The following CLSTN2 variants were observed in gnomAD, a reference collection of about 807,000 sequenced individuals.
The protein encoded by CLSTN2 is calsyntenin 2, also known as calsyntenin-2.
Under a neutral mutation model 101.2 loss-of-function variants are expected in CLSTN2, and 48 were observed. That is an observed-to-expected ratio of 0.47 (90% CI 0.38 to 0.60). The LOEUF is 0.60. Among genes scored for constraint, CLSTN2 ranks in the 20% least tolerant of loss-of-function variants. The pLI is 0.00. For missense variants in CLSTN2, 1,160 were observed against 1,238.2 expected (o/e 0.94, Z 0.95); for synonymous variants, 481 against 463.6 (o/e 1.04, Z -0.48).
intron 12 of CLSTN2, among the ~76,000 whole-genome samples, chr3:140,560,491 A>G (rs1455865855): frequency 6.6e-6 from 1 of 152,078 alleles, no homozygotes; most frequent in African/African-American, 2.4e-5. Flanking sequence ...CTGTTCCACC[A>G]CCACCATTCT....
chr3:140,339,911 A>G (rs2087475540), intron 2 of CLSTN2, among the ~76,000 whole-genome samples: 1 of 152,178 alleles, frequency 6.6e-6, no homozygotes, highest in Admixed American at 6.5e-5. Context: ...TTAGAATTGG[A>G]TGTGGGTCCT....
chr3:140,464,996 A>C (rs890577674), intron 7 of CLSTN2, among the ~76,000 whole-genome samples: 12 of 152,222 alleles, frequency 7.9e-5, no homozygotes, highest in African/African-American at 2.9e-4. Flanking sequence ...TAGTCCTTCT[A>C]ATAAGTAACA....
rs1361828893 is a variant in CLSTN2 at position 140,280,705 on chromosome 3, T to C, written c.232+104632T>C. Among the ~76,000 whole-genome samples, 4 of 152,160 alleles carry C rather than the reference T, an allele frequency of 2.6e-5. No homozygotes were observed. In the East Asian group the frequency reaches 7.7e-4, roughly 29 times the overall value. ...AGATGGGGCCATGGAACAGGCTGGC[T>C]TTATGTACACTTCACTTGCAATTAT... On this transcript the variant is annotated intron_variant, in intron 2 of 16. Transcript: ENST00000458420.
Position 140,566,612 on chromosome 3 carries a change from C to T in CLSTN2, c.*359C>T. On this transcript the variant is annotated 3_prime_UTR_variant, in exon 17 of 17. Coordinates refer to ENST00000458420, the MANE Select transcript of CLSTN2 (RefSeq NM_022131.3). ...ACTCACCTCCCCAGGCTCAGAGTCC[C>T]CAAGGCCCTGGGGTTCCAACTCACT... The T allele has an allele frequency of 3.3e-6, 1 of 303,972 alleles. No homozygotes were observed. 18.8% of individuals were successfully genotyped at this position (303,972 alleles called of 1,614,324 possible).
At chr3:140,062,281 A>G (rs2008220050) in intron 1 of CLSTN2, among the ~76,000 whole-genome samples, 1 of 152,200 alleles carries the variant, frequency 6.6e-6, no homozygotes, top group African/African-American at 2.4e-5. Context: ...AGCAAGTCTC[A>G]GGTAGCAGCA....
intron 1 of CLSTN2, among the ~76,000 whole-genome samples, chr3:139,946,847 T>G (rs1935222751): frequency 6.6e-6 from 1 of 152,220 alleles, no homozygotes; most frequent in Non-Finnish European, 1.5e-5. Context: ...TTGCTCAGGC[T>G]TCCTGGAGAT....
chr3:140,553,881 T>C (rs1008639706), intron 10 of CLSTN2, among the ~76,000 whole-genome samples: 22 of 152,142 alleles, frequency 1.4e-4, no homozygotes, highest in African/African-American at 5.1e-4. Flanking sequence ...TGAGTACTGA[T>C]AATGACTCCC....
chr3:140,350,624 A>G (rs1299690405), intron 2 of CLSTN2, among the ~76,000 whole-genome samples: 1 of 152,202 alleles, frequency 6.6e-6, no homozygotes, highest in African/African-American at 2.4e-5. Context: ...CTTGCTAGAA[A>G]CTTCTTGAAC....
chr3:140,406,875 T>C (rs1183759111), intron 4 of CLSTN2, among the ~76,000 whole-genome samples: 4 of 152,256 alleles, frequency 2.6e-5, no homozygotes, highest in Non-Finnish European at 5.9e-5. Flanking sequence ...ATGCAAAGTC[T>C]TTCTTTGGAG....
intron 2 of CLSTN2, among the ~76,000 whole-genome samples, chr3:140,264,152 C>A (rs1319332348): frequency 1.3e-5 from 2 of 151,802 alleles, no homozygotes; most frequent in Admixed American, 6.6e-5. Context: ...AATAAATGTC[C>A]TTTTCCTGGT....
At chr3:140,255,300 G>A (rs2107878794) in intron 2 of CLSTN2, among the ~76,000 whole-genome samples, 1 of 152,200 alleles carries the variant, frequency 6.6e-6, no homozygotes. Flanking sequence ...TCACATATGG[G>A]CATACACCCA....
At chr3:139,949,582 T>G (rs1935261340) in intron 1 of CLSTN2, among the ~76,000 whole-genome samples, 1 of 152,166 alleles carries the variant, frequency 6.6e-6, no homozygotes, top group African/African-American at 2.4e-5. Context: ...GGAAGCTAGA[T>G]AGCCCAGGGT....
chr3:140,319,479 G>GA (rs1385655555), intron 2 of CLSTN2, among the ~76,000 whole-genome samples: 1 of 152,192 alleles, frequency 6.6e-6, no homozygotes, highest in African/African-American at 2.4e-5. Flanking sequence ...CCATGGTCAT[G>GA]AAAATCTTTC....
At chr3:140,478,566 G>A (rs1047684857) in intron 8 of CLSTN2, among the ~76,000 whole-genome samples, 40 of 152,136 alleles carry the variant, frequency 2.6e-4, no homozygotes, top group African/African-American at 9.4e-4. Context: ...GATTAGTGGT[G>A]CCTAGGGCAT....
intron 1 of CLSTN2, among the ~76,000 whole-genome samples, chr3:140,069,096 T>G (rs2008349318): frequency 6.6e-6 from 1 of 152,054 alleles, no homozygotes; most frequent in Non-Finnish European, 1.5e-5. Flanking sequence ...AGTGAGAGAG[T>G]CTTCCTCTTC....
chr3:140,133,485 T>G (rs1420976572), intron 1 of CLSTN2, among the ~76,000 whole-genome samples: 1 of 152,192 alleles, frequency 6.6e-6, no homozygotes, highest in African/African-American at 2.4e-5. Flanking sequence ...CTAAGGTGTC[T>G]CCAGAGAAAC....
intron 2 of CLSTN2, among the ~76,000 whole-genome samples, chr3:140,380,895 T>C (rs1170838036): frequency 2.6e-5 from 4 of 152,162 alleles, no homozygotes; most frequent in Non-Finnish European, 5.9e-5. Flanking sequence ...AGAAGTGTAG[T>C]TGTGGGCCTG....
intron 1 of CLSTN2, among the ~76,000 whole-genome samples, chr3:140,004,406 A>C (rs1012021635): frequency 6.6e-6 from 1 of 152,140 alleles, no homozygotes; most frequent in African/African-American, 2.4e-5. Context: ...GATGTGGGAG[A>C]AGTTAGTGCA....
At chr3:140,434,187 C>T (rs73867173) in intron 5 of CLSTN2, among the ~76,000 whole-genome samples, 3,809 of 152,240 alleles carry the variant, frequency 0.025, 153 homozygotes, top group African/African-American at 0.086. Flanking sequence ...CCCCCTTCTC[C>T]CCACATCTAC....
Sources: allele counts gnomAD v4.1 joint callset (sites outside exome capture counted in the v4.1 genomes callset), GRCh38; gene constraint gnomAD v4.1.1; transcripts MANE v1.5; gene names NCBI Gene and HGNC (gene_info 2026-07-23, HGNC 2026-07-21).